The following HIPK1 variants were observed in gnomAD, a reference collection of about 807,000 sequenced individuals.
HIPK1 encodes the protein homeodomain interacting protein kinase 1.
In HIPK1, 28 loss-of-function variants were observed where a neutral mutation model predicts 117.1. That is an observed-to-expected ratio of 0.24 (90% CI 0.18 to 0.33). The LOEUF (loss-of-function observed/expected upper bound fraction) is 0.33, where lower values mean the gene tolerates loss of function less well. Ranked by LOEUF, HIPK1 falls within the 10% of genes least tolerant of loss-of-function variation. The probability of loss-of-function intolerance (pLI) is 1.00; values close to 1 mark genes in which losing one functional copy is unlikely to be tolerated. For synonymous variants in HIPK1, 605 were observed against 562.5 expected, an observed-to-expected ratio of 1.08 and a Z score of -1.07; for missense variants, 1,122 against 1,475.1, an observed-to-expected ratio of 0.76 and a Z score of 3.92.
intron 14 of HIPK1, 106 bp downstream of exon 14, chr1:113,970,303 A>G: frequency 8.0e-7 from 1 of 1,250,710 alleles, no homozygotes; most frequent in Non-Finnish European, 1.1e-6. Flanking sequence ...AGTGGTGTAG[A>G]CATTCTTAAA....
chr1:113,958,381 T>C, intron 8 of HIPK1, 90 bp downstream of exon 8: 1 of 856,062 alleles, frequency 1.2e-6, no homozygotes, highest in East Asian at 2.7e-5. Flanking sequence ...TCTTTACAAG[T>C]TTAAACTCTG....
At chr1:113,963,642 CTTAG>C (rs1672271182) in intron 10 of HIPK1, 121 bp downstream of exon 10, 1 of 1,221,452 alleles carries the variant, frequency 8.2e-7, no homozygotes, top group Non-Finnish European at 1.1e-6. Flanking sequence ...AATTTTTTAG[CTTAG>C]TCTTTGCAGA....
chr1:113,956,497 A>G (rs2101345425), intron 5 of HIPK1, 130 bp from the exon 6 acceptor site: 2 of 526,188 alleles, frequency 3.8e-6, no homozygotes, highest in Middle Eastern at 9.3e-4. Context: ...GATTTTCATA[A>G]AAAGAATTTC....
At chr1:113,951,480 G>A (rs1022669006) in intron 2 of HIPK1, among the ~76,000 whole-genome samples, 1 of 151,994 alleles carries the variant, frequency 6.6e-6, no homozygotes, top group South Asian at 2.1e-4. Context: ...AGATGTGTTC[G>A]TATATATAAA....
intron 6 of HIPK1, 74 bp from the exon 7 acceptor site, chr1:113,957,050 A>G (rs1671774688): frequency 3.2e-6 from 4 of 1,255,032 alleles, no homozygotes; most frequent in East Asian, 2.3e-5. Flanking sequence ...GCTTTGATCC[A>G]TGTTCATCTT....
chr1:113,958,961 A>C (rs1671911644), intron 8 of HIPK1, among the ~76,000 whole-genome samples: 1 of 152,124 alleles, frequency 6.6e-6, no homozygotes. Flanking sequence ...TAATTTTCAC[A>C]TTCCCATCCT....
intron 1 of HIPK1, 117 bp downstream of exon 1, chr1:113,929,649 C>A: frequency 1.0e-6 from 1 of 1,003,620 alleles, no homozygotes; most frequent in Non-Finnish European, 1.3e-6. Context: ...GGCTGCGGAG[C>A]AAGGGGCCCG....
At chr1:113,929,601 C>T (rs1669693207) in intron 1 of HIPK1, 69 bp downstream of exon 1, 3 of 1,172,862 alleles carry the variant, frequency 2.6e-6, no homozygotes, top group South Asian at 1.3e-5. Flanking sequence ...GAGGGACGGC[C>T]GCTCGGCATT....
chr1:113,947,665 A>G (rs1034412660), intron 2 of HIPK1, among the ~76,000 whole-genome samples: 1 of 152,176 alleles, frequency 6.6e-6, no homozygotes, highest in Non-Finnish European at 1.5e-5. Context: ...GGTTGGAAGA[A>G]TTTTTCAACT....
chr1:113,946,227 A>T (rs190660398), intron 2 of HIPK1, among the ~76,000 whole-genome samples: 295 of 152,314 alleles, frequency 1.9e-3, no homozygotes, highest in Non-Finnish European at 2.4e-3. Flanking sequence ...CATACTCTAC[A>T]GGTGCACTGA....
chr1:113,952,216 G>T (rs1260068910), intron 2 of HIPK1, among the ~76,000 whole-genome samples: 1 of 151,802 alleles, frequency 6.6e-6, no homozygotes, highest in Non-Finnish European at 1.5e-5. Flanking sequence ...TGGGATTACA[G>T]GCATGAGCCA....
chr1:113,965,011 T>A (rs1417876441), intron 10 of HIPK1, among the ~76,000 whole-genome samples: 2 of 152,266 alleles, frequency 1.3e-5, no homozygotes, highest in African/African-American at 4.8e-5. Flanking sequence ...ATGGTGTGAC[T>A]TAACATACTT....
chr1:113,954,219 T>A (rs1671559443), intron 3 of HIPK1, among the ~76,000 whole-genome samples: 1 of 152,146 alleles, frequency 6.6e-6, no homozygotes, highest in African/African-American at 2.4e-5. Flanking sequence ...TACCTTGGCC[T>A]CCCAAAGTAC....
At chr1:113,945,169 G>A (rs1014844797) in intron 2 of HIPK1, among the ~76,000 whole-genome samples, 3 of 152,050 alleles carry the variant, frequency 2.0e-5, no homozygotes, top group African/African-American at 2.4e-5. Flanking sequence ...TTATGTGCCC[G>A]ACATCTGTAT....
At chr1:113,937,592 T>G (rs1346100608) in intron 1 of HIPK1, among the ~76,000 whole-genome samples, 1 of 152,128 alleles carries the variant, frequency 6.6e-6, no homozygotes, top group Non-Finnish European at 1.5e-5. Context: ...GATAATTGAG[T>G]ATGTATATAT....
At position 113,940,717 on chromosome 1, in the gene HIPK1, G is replaced by A. The variant is rs370193124; in HGVS notation, c.334G>A (p.Val112Ile). Reference sequence around the variant, plus strand: ...CCAGACCCTGACTCACAGAAGCAACGTTTCTTTGCTTGAGCCATATCAAAA... The same window carrying A: ...CCAGACCCTGACTCACAGAAGCAACATTTCTTTGCTTGAGCCATATCAAAA... ...SSQTLTHRSN[V>I]SLLEPYQKCG... The change falls in exon 2 of 16, where the codon GTT (valine) becomes ATT (isoleucine). Residue 112 changes from valine (V) to isoleucine (I), a missense_variant. Transcript: ENST00000426820. 148 of 1,614,022 alleles carry A rather than the reference G, an allele frequency of 9.2e-5. No homozygotes were observed. The highest frequency in any genetic ancestry group is 1.2e-4 in the Non-Finnish European group (141 of 1,180,048).
chr1:113,973,417 G>A lies in HIPK1; in HGVS notation c.3538G>A (p.Ala1180Thr), dbSNP rs543522399. Residue 1180 changes from alanine (A) to threonine (T), a missense_variant, in exon 16 of 16, where the codon GCC becomes ACC. Physicochemically the swap from Ala to Thr is moderately conservative, Grantham distance 58. This residue lies in a region of HIPK1 where 731 missense variants were observed against 860.4 expected (regional missense o/e 0.85). Transcript: ENST00000426820. ...VAPAQYQHQF[A>T]TQSYIGSSRG... is the part of the protein sequence containing the mutation. ...CCCTGCTCAGTACCAACACCAGTTT[G>A]CCACCCAATCCTACATTGGGTCTTC... 1 of 1,614,102 alleles carries A rather than the reference G, an allele frequency of 6.2e-7. No individual in the cohort carries two copies. Among genetic ancestry groups the A allele is most frequent in the Admixed American group, 1.7e-5 (1 of 60,010 alleles).
chr1:113,931,164 GT>G (rs1407988188), intron 1 of HIPK1, among the ~76,000 whole-genome samples: 2 of 138,554 alleles, frequency 1.4e-5, no homozygotes, highest in African/African-American at 5.6e-5. Flanking sequence ...TCTCTGGTCT[GT>G]GGGTTTTTTT....
chr1:113,938,845 G>T (rs1670426757), intron 1 of HIPK1, among the ~76,000 whole-genome samples: 1 of 150,778 alleles, frequency 6.6e-6, no homozygotes, highest in Non-Finnish European at 1.5e-5. Context: ...CAGAGGTGAA[G>T]GTTGCAGCGA....
Sources: allele counts gnomAD v4.1 joint callset (sites outside exome capture counted in the v4.1 genomes callset), GRCh38; gene constraint gnomAD v4.1.1; regional missense constraint gnomAD v4.1.1; transcripts MANE v1.5; gene names NCBI Gene and HGNC (gene_info 2026-07-23, HGNC 2026-07-21).